The following KIAA0319L variants were observed in gnomAD, a reference collection of about 807,000 sequenced individuals.
The protein encoded by KIAA0319L is KIAA0319 like, also known as dyslexia-associated protein KIAA0319-like protein.
Under a neutral mutation model 120.1 loss-of-function variants are expected in KIAA0319L, and 55 were observed. That is an observed-to-expected ratio of 0.46 (90% CI 0.37 to 0.57). KIAA0319L has a LOEUF of 0.57. Among genes scored for constraint, KIAA0319L ranks in the 20% least tolerant of loss-of-function variants. The probability of loss-of-function intolerance (pLI) is 0.00; values close to 1 mark genes in which losing one functional copy is unlikely to be tolerated. For missense variants in KIAA0319L, 1,049 were observed against 1,255.3 expected, an observed-to-expected ratio of 0.84 and a Z score of 2.48; for synonymous variants, 398 against 471.9, an observed-to-expected ratio of 0.84 and a Z score of 2.03.
intron 6 of KIAA0319L, 103 bp from the exon 7 acceptor site, chr1:35,466,798 C>T (rs908356698): frequency 1.2e-6 from 1 of 816,106 alleles, no homozygotes; most frequent in African/African-American, 1.7e-5. Context: ...TTCACTCTTT[C>T]CTTCCCCTAT....
chr1:35,521,662 A>G (rs1020870675), intron 2 of KIAA0319L, among the ~76,000 whole-genome samples: 3 of 146,918 alleles, frequency 2.0e-5, no homozygotes, highest in Non-Finnish European at 4.5e-5. Flanking sequence ...AAATAAATAA[A>G]TAAATAAAAA....
intron 10 of KIAA0319L, 36 bp downstream of exon 10, chr1:35,455,977 C>T: frequency 6.6e-7 from 1 of 1,524,302 alleles, no homozygotes; most frequent in Non-Finnish European, 9.0e-7. Flanking sequence ...CTCTACTTCT[C>T]TTGGGCAAGA....
In KIAA0319L at chr1:35,444,262, T is replaced by C. The variant is rs867700756; in HGVS notation, c.2555A>G (p.Gln852Arg). 3 of 1,609,368 alleles carry C rather than the reference T, an allele frequency of 1.9e-6. No individual in the cohort carries two copies. The highest frequency in any genetic ancestry group is 2.5e-6 in the Non-Finnish European group (3 of 1,178,198). ...VFFVQNEPPH[Q>R]IFKGHEVAAM... ...TGCCACCTCATGGCCTTTGAAGATC[T>C]GGTGGGGAGGCTCGTTTTGAACAAA... The change falls in exon 17 of 21, where the codon CAG (glutamine) becomes CGG (arginine). Residue 852 changes from glutamine (Q) to arginine (R), a missense_variant. By Grantham distance (43) the Gln-to-Arg change is conservative. Transcript: ENST00000325722.
chr1:35,439,502 T>C (rs1232519396), intron 20 of KIAA0319L: 2 of 152,248 alleles, frequency 1.3e-5, no homozygotes, highest in South Asian at 2.1e-4. Flanking sequence ...AGACAGCCCC[T>C]GCCCTCAGGG....
chr1:35,475,268 TAC>T (rs1643865990), intron 4 of KIAA0319L, among the ~76,000 whole-genome samples: 1 of 152,184 alleles, frequency 6.6e-6, no homozygotes, highest in South Asian at 2.1e-4. Context: ...GTATTTTTAC[TAC>T]AGTCTGTCCC....
chr1:35,527,064 C>A (rs1646176296), intron 2 of KIAA0319L, among the ~76,000 whole-genome samples: 1 of 152,148 alleles, frequency 6.6e-6, no homozygotes, highest in South Asian at 2.1e-4. Context: ...TGAAGGGATA[C>A]TGAATTTTAT....
chr1:35,441,207 T>G, intron 19 of KIAA0319L, 69 bp from the exon 20 acceptor site: 1 of 1,399,776 alleles, frequency 7.1e-7, no homozygotes, highest in Middle Eastern at 1.8e-4. Flanking sequence ...GAGAGCCAGA[T>G]GTGCATGCAG....
intron 20 of KIAA0319L, 43 bp downstream of exon 20, chr1:35,441,004 G>C: frequency 6.9e-7 from 1 of 1,456,622 alleles, no homozygotes; most frequent in South Asian, 1.1e-5. Context: ...CTTCCACAGA[G>C]AGAGTGCACA....
chr1:35,445,165 C>G (rs554109303), intron 16 of KIAA0319L, among the ~76,000 whole-genome samples: 3 of 152,164 alleles, frequency 2.0e-5, no homozygotes, highest in Non-Finnish European at 4.4e-5. Flanking sequence ...ATACAAGCAG[C>G]CTTCTCTGTT....
chr1:35,447,937 T>C (rs967876803), intron 16 of KIAA0319L, among the ~76,000 whole-genome samples: 13 of 152,184 alleles, frequency 8.5e-5, no homozygotes, highest in African/African-American at 3.1e-4. Flanking sequence ...TCTCCTCTAC[T>C]AGACTGTGGT....
chr1:35,444,196 A>G lies in KIAA0319L; in HGVS notation c.2621T>C (p.Phe874Ser). ...GACTTCCAAGGCTCTGAATATCAAAAAGTCTGCCTTTTGCTTCCGCAGCTC... is the reference window on the plus strand; with the variant it reads ...GACTTCCAAGGCTCTGAATATCAAAGAGTCTGCCTTTTGCTTCCGCAGCTC... ...KSELRKQKADFLIFRALEVNT... is the reference protein window; with the variant it reads ...KSELRKQKADSLIFRALEVNT... Residue 874 changes from phenylalanine to serine, a missense_variant, in exon 17 of 21, where the codon TTT (phenylalanine) becomes TCT (serine). Transcript: ENST00000325722. 6.2e-7 allele frequency: 1 copy of G among 1,607,660 alleles called. No individual in the cohort carries two copies.
At chr1:35,455,881 G>T in intron 10 of KIAA0319L, 132 bp downstream of exon 10, 1 of 731,000 alleles carries the variant, frequency 1.4e-6, no homozygotes, top group South Asian at 1.8e-5. Flanking sequence ...ACCCGGCCAA[G>T]ATAAAGATTT....
chr1:35,540,536 A>G (rs1400589615), intron 2 of KIAA0319L, among the ~76,000 whole-genome samples: 1 of 152,224 alleles, frequency 6.6e-6, no homozygotes, highest in East Asian at 1.9e-4. Flanking sequence ...CTCTTTCCAC[A>G]TTTCCAAATA....
Position 35,438,082 on chromosome 1 carries a change from A to G in KIAA0319L, c.2962+2965T>C, listed in dbSNP as rs112106644. On this transcript the variant is annotated intron_variant, in intron 20 of 20. Coordinates refer to ENST00000325722, the MANE Select transcript of KIAA0319L (RefSeq NM_024874.5). ...TCCCCTTCAATTATTATATGTTGTC[A>G]CCAGACTGATTTTCCTAAACCAGCT... Among the ~76,000 whole-genome samples the G allele has an allele frequency of 9.9e-4, 150 of 152,276 alleles. 1 individual carries two copies. Among genetic ancestry groups the G allele is most frequent in the African/African-American group, 3.4e-3 (143 of 41,562 alleles).
intron 16 of KIAA0319L, 60 bp downstream of exon 16, chr1:35,448,113 T>C: frequency 6.7e-7 from 1 of 1,484,772 alleles, no homozygotes; most frequent in Non-Finnish European, 9.1e-7. Context: ...TCTCAGCTCA[T>C]TCAAGAAGCC....
chr1:35,501,593 C>A (rs1441577511), intron 3 of KIAA0319L, among the ~76,000 whole-genome samples: 1 of 152,040 alleles, frequency 6.6e-6, no homozygotes, highest in Non-Finnish European at 1.5e-5. Context: ...AGTAAGAGGA[C>A]AGGCCAGGCG....
At chr1:35,504,380 T>C (rs1645128667) in intron 3 of KIAA0319L, among the ~76,000 whole-genome samples, 1 of 152,086 alleles carries the variant, frequency 6.6e-6, no homozygotes, top group African/African-American at 2.4e-5. Context: ...GTATTTTTAG[T>C]AGAGACAAGG....
chr1:35,504,488 A>G lies in KIAA0319L; in HGVS notation c.666+2124T>C, dbSNP rs1050982134. ...TGGGATTACAGGCATAAGCCATCAC[A>G]CCCAGCCAATTTTCTTAACATTTTA... On this transcript the variant is annotated intron_variant, in intron 3 of 20. Transcript: ENST00000325722. Among the ~76,000 whole-genome samples the G allele has an allele frequency of 5.9e-5, 9 of 152,240 alleles. No individual in the cohort carries two copies. The East Asian group carries it at 1.4e-3, about 23-fold the overall frequency.
intron 20 of KIAA0319L, 53 bp downstream of exon 20, chr1:35,440,994 C>T: frequency 7.2e-7 from 1 of 1,389,270 alleles, no homozygotes; most frequent in Non-Finnish European, 1.0e-6. Flanking sequence ...TGACAGCAGC[C>T]TTCCACAGAG....
Sources: gnomAD v4.1 joint callset for allele counts (sites outside exome capture counted in the v4.1 genomes callset) on GRCh38, gnomAD v4.1.1 for gene constraint, MANE v1.5 for transcripts, NCBI Gene and HGNC (gene_info 2026-07-23, HGNC 2026-07-21) for gene names.